The following ERBB4 variants were observed in gnomAD, a reference collection of about 807,000 sequenced individuals.
ERBB4 encodes receptor tyrosine-protein kinase erbB-4.
Under a neutral mutation model 158.0 loss-of-function variants are expected in ERBB4, and 42 were observed. The ratio of observed to expected loss-of-function variants is 0.27; its 90% confidence interval spans 0.21 to 0.34. The LOEUF (loss-of-function observed/expected upper bound fraction) is 0.34, where lower values mean the gene tolerates loss of function less well. Ranked by LOEUF, ERBB4 falls within the 10% of genes least tolerant of loss-of-function variation. The pLI is 1.00. For synonymous variants in ERBB4, 583 were observed against 558.7 expected (o/e 1.04, Z -0.61); for missense variants, 1,333 against 1,624.1 (o/e 0.82, Z 3.08).
intron 20 of ERBB4, among the ~76,000 whole-genome samples, chr2:211,463,453 T>C (rs1486638654): frequency 1.3e-5 from 2 of 152,186 alleles, no homozygotes; most frequent in African/African-American, 4.8e-5. Context: ...TGCAGAAGCA[T>C]GCAGTCTGCT....
rs557587481 is a variant in ERBB4, at chr2:211,741,168, T to C, written c.622+9471A>G. Reference sequence around the variant, plus strand: ...GGTAATTTTGAAATTTTCTCTTTGATAGTCAAATATAGTTACTCTAATGAC... The same window carrying C: ...GGTAATTTTGAAATTTTCTCTTTGACAGTCAAATATAGTTACTCTAATGAC... On this transcript the variant is annotated intron_variant, in intron 5 of 27. Transcript: ENST00000342788. Among the ~76,000 whole-genome samples the C allele has an allele frequency of 4.6e-5, 7 of 152,246 alleles. No homozygotes were observed. In the East Asian group the frequency reaches 7.7e-4, roughly 17 times the overall value.
intron 1 of ERBB4, among the ~76,000 whole-genome samples, chr2:212,321,921 A>T (rs564159997): frequency 6.7e-6 from 1 of 150,344 alleles, no homozygotes; most frequent in African/African-American, 2.4e-5. Flanking sequence ...TAAAATGGCT[A>T]CAGAGATGGA....
chr2:211,520,815 T>TA (rs1334304782), intron 20 of ERBB4, among the ~76,000 whole-genome samples: 1 of 152,164 alleles, frequency 6.6e-6, no homozygotes, highest in African/African-American at 2.4e-5. Flanking sequence ...ACTCTTGTAA[T>TA]ATTTTAAACT....
intron 3 of ERBB4, among the ~76,000 whole-genome samples, chr2:211,818,945 C>T (rs1378864193): frequency 2.6e-5 from 4 of 152,120 alleles, no homozygotes; most frequent in African/African-American, 4.8e-5. Flanking sequence ...ACAAGTGACA[C>T]AGTTTTAAAT....
chr2:212,063,615 G>T (rs1292854132), intron 2 of ERBB4, among the ~76,000 whole-genome samples: 3 of 151,314 alleles, frequency 2.0e-5, no homozygotes, highest in Admixed American at 2.0e-4. Flanking sequence ...CAACCATAGG[G>T]AAAAAAAATG....
At chr2:211,897,931 AT>A (rs918630545) in intron 3 of ERBB4, among the ~76,000 whole-genome samples, 5 of 150,870 alleles carry the variant, frequency 3.3e-5, no homozygotes, top group African/African-American at 9.7e-5. Flanking sequence ...TAATATTTAA[AT>A]TTTTTTTTAA....
At chr2:211,784,361 T>C (rs1433651856) in intron 4 of ERBB4, among the ~76,000 whole-genome samples, 3 of 152,226 alleles carry the variant, frequency 2.0e-5, no homozygotes, top group Admixed American at 6.5e-5. Context: ...ATTTATGTTT[T>C]TGTGACTGGC....
chr2:211,765,619 T>TATACAGGCAGATTC (rs2075532919), intron 4 of ERBB4, among the ~76,000 whole-genome samples: 1 of 152,138 alleles, frequency 6.6e-6, no homozygotes, highest in Non-Finnish European at 1.5e-5. Context: ...CAGATTCCTG[T>TATACAGGCAGATTC]CCAGTATACA....
At chr2:212,077,152 G>C (rs888904462) in intron 2 of ERBB4, among the ~76,000 whole-genome samples, 1 of 151,976 alleles carries the variant, frequency 6.6e-6, no homozygotes, top group African/African-American at 2.4e-5. Flanking sequence ...AGTTAGCAAA[G>C]ATATGGGACA....
chr2:212,525,040 A>G (rs16848753), intron 1 of ERBB4, among the ~76,000 whole-genome samples: 25,587 of 151,752 alleles, frequency 0.17, 2,270 homozygotes, highest in African/African-American at 0.23. Flanking sequence ...AATCAGGTAA[A>G]ACAGCATTTC....
chr2:211,956,175 T>C (rs544876125), intron 2 of ERBB4, among the ~76,000 whole-genome samples: 2 of 152,158 alleles, frequency 1.3e-5, no homozygotes, highest in South Asian at 4.1e-4. Context: ...GAGTTCAATT[T>C]TTTTCCTATC....
chr2:211,377,118 C>A lies in ERBB4; in HGVS notation c.*6497G>T, dbSNP rs144389684. 3.3e-3 allele frequency: 765 copies of A among 232,984 alleles called. 2 individuals are homozygous for A. The highest frequency in any genetic ancestry group is 6.3e-3 in the Middle Eastern group (5 of 788). The allele number at this position is 232,984 out of a possible 1,614,324, so 14.4% of individuals were successfully genotyped here. On this transcript the variant is annotated 3_prime_UTR_variant, in exon 28 of 28. Transcript: ENST00000342788. ...TATGGTTGTAGTCCCCTCACTCCCC[C>A]CTCCCAGCCCCTGAGAGATCCAGAA... is the stretch of plus-strand genomic sequence containing the variant.
intron 4 of ERBB4, among the ~76,000 whole-genome samples, chr2:211,761,583 T>C (rs958448148): frequency 3.9e-5 from 6 of 152,220 alleles, no homozygotes; most frequent in African/African-American, 1.4e-4. Context: ...GCCCATTATT[T>C]CATTTCTAAT....
intron 12 of ERBB4, among the ~76,000 whole-genome samples, chr2:211,681,640 T>C (rs1420766646): frequency 1.3e-5 from 2 of 152,184 alleles, no homozygotes; most frequent in Admixed American, 6.5e-5. Context: ...TCTTTTAATG[T>C]GTTTATTTTT....
At position 211,648,965 on chromosome 2, in the gene ERBB4, G is replaced by A. The variant is rs567100101; in HGVS notation, c.1946+8789C>T. ...CAACTTTGTTTTTCAAATCTCTGCA[G>A]AATTTTAAAATAACTCTCACTTAAG... On this transcript the variant is annotated intron_variant, in intron 16 of 27. Coordinates refer to ENST00000342788, the MANE Select transcript of ERBB4 (RefSeq NM_005235.3). Among the ~76,000 whole-genome samples the A allele has an allele frequency of 1.8e-3, 267 of 151,948 alleles. 1 individual carries two copies. The highest frequency in any genetic ancestry group is 6.8e-3 in the Middle Eastern group (2 of 294).
chr2:211,735,747 C>T (rs139540983), intron 5 of ERBB4, among the ~76,000 whole-genome samples: 4 of 152,026 alleles, frequency 2.6e-5, no homozygotes, highest in Non-Finnish European at 4.4e-5. Context: ...GAAAAAGAGA[C>T]CTTTTGAGGA....
chr2:212,204,718 A>AAC (rs1211381627), intron 1 of ERBB4, among the ~76,000 whole-genome samples: 1 of 151,844 alleles, frequency 6.6e-6, no homozygotes, highest in African/African-American at 2.4e-5. Context: ...ACAAAAAAAA[A>AAC]AACAGTATTT....
chr2:212,522,756 T>A (rs917872431), intron 1 of ERBB4, among the ~76,000 whole-genome samples: 1 of 152,024 alleles, frequency 6.6e-6, no homozygotes, highest in African/African-American at 2.4e-5. Context: ...GAATATCGCC[T>A]CTGTTGAGAA....
intron 19 of ERBB4, among the ~76,000 whole-genome samples, chr2:211,563,336 A>G (rs2067457360): frequency 6.6e-6 from 1 of 152,316 alleles, no homozygotes; most frequent in African/African-American, 2.4e-5. Flanking sequence ...GCTTTTGAAA[A>G]GCTATGTAAT....
Sources: gnomAD v4.1 joint callset for allele counts (sites outside exome capture counted in the v4.1 genomes callset) on GRCh38, gnomAD v4.1.1 for gene constraint, MANE v1.5 for transcripts, NCBI Gene and HGNC (gene_info 2026-07-23, HGNC 2026-07-21) for gene names.